The following FDFT1 variants were observed in gnomAD, a reference collection of about 807,000 sequenced individuals.
FDFT1 encodes farnesyl-diphosphate farnesyltransferase 1.
Under a neutral mutation model 46.8 loss-of-function variants are expected in FDFT1, and 68 were observed. The ratio of observed to expected loss-of-function variants is 1.45; its 90% CI spans 1.19 to 1.78. The LOEUF is 1.78. Ranked by LOEUF, FDFT1 falls within the 40% of genes most tolerant of loss-of-function variation. The pLI, the probability that FDFT1 is intolerant of heterozygous loss-of-function variation, is 0.00. For synonymous variants in FDFT1, 351 were observed against 185.1 expected (o/e 1.90, Z -7.28); for missense variants, 928 against 524.4 (o/e 1.77, Z -7.52).
chr8:11,802,722 C>A (rs541656556), upstream of FDFT1: 19 of 826,876 alleles, frequency 2.3e-5, no homozygotes, highest in Non-Finnish European at 3.4e-5. Flanking sequence ...AGGCCTGCCC[C>A]CTGTCCGGCC....
chr8:11,804,607 T>TTTA (rs1420024930), intron 1 of FDFT1, among the ~76,000 whole-genome samples: 1 of 141,940 alleles, frequency 7.0e-6, no homozygotes, highest in Non-Finnish European at 1.5e-5. Flanking sequence ...TCTCTTTTTT[T>TTTA]TTTTTTTTTT....
chr8:11,804,175 G>A (rs1356774490), intron 1 of FDFT1, among the ~76,000 whole-genome samples: 23 of 152,220 alleles, frequency 1.5e-4, no homozygotes, highest in African/African-American at 5.5e-4. Flanking sequence ...GAAAGCGAAT[G>A]TACAGTTTTT....
chr8:11,808,585 C>T, intron 1 of FDFT1: 3 of 1,386,714 alleles, frequency 2.2e-6, no homozygotes, highest in South Asian at 1.6e-5. Flanking sequence ...CTGAGTCCCG[C>T]CGCGGCGCCC....
Position 11,838,538 on chromosome 8 carries a change from G to T in FDFT1, c.1183G>T (p.Ala395Ser). Residue 395 changes from alanine (A) to serine (S), a missense_variant, in exon 8 of 8, where the codon GCC becomes TCC. Ala to Ser is a moderately conservative substitution (Grantham distance 99). Coordinates refer to ENST00000220584, the MANE Select transcript of FDFT1 (RefSeq NM_004462.5). ...CCTGTCGTTTGTCATGCTTTTGGCT[G>T]CCCTGAGCTGGCAGTACCTGACCAC... ...IYLSFVMLLAALSWQYLTTLS... is the reference protein window; with the variant it reads ...IYLSFVMLLASLSWQYLTTLS... 6.2e-7 allele frequency: 1 copy of T among 1,611,842 alleles called. No individual in the cohort carries two copies. The highest frequency in any genetic ancestry group is 8.5e-7 in the Non-Finnish European group (1 of 1,179,008).
intron 3 of FDFT1, among the ~76,000 whole-genome samples, chr8:11,816,150 T>G (rs1254297953): frequency 6.6e-6 from 1 of 152,230 alleles, no homozygotes; most frequent in Non-Finnish European, 1.5e-5. Context: ...CTTGTTTTTG[T>G]CAGGTTTGTC....
At chr8:11,820,511 C>G (rs543755075) in intron 3 of FDFT1, among the ~76,000 whole-genome samples, 11 of 152,350 alleles carry the variant, frequency 7.2e-5, no homozygotes, top group African/African-American at 2.4e-4. Context: ...CCACCCAGTT[C>G]AAGCTTCCTT....
intron 7 of FDFT1, among the ~76,000 whole-genome samples, 198 bp from the exon 8 acceptor site, chr8:11,838,190 G>C (rs755349901): frequency 6.6e-6 from 1 of 152,174 alleles, no homozygotes; most frequent in South Asian, 2.1e-4. Flanking sequence ...AGGAAGACAG[G>C]CTTTGAGATG....
intron 1 of FDFT1, among the ~76,000 whole-genome samples, chr8:11,807,044 T>A (rs190231853): frequency 3.9e-5 from 6 of 152,006 alleles, no homozygotes; most frequent in South Asian, 4.2e-4. Flanking sequence ...ACAACATAGT[T>A]CACTTAAACC....
intron 4 of FDFT1, among the ~76,000 whole-genome samples, chr8:11,825,623 C>A (rs564430302): frequency 1.4e-5 from 2 of 147,908 alleles, no homozygotes; most frequent in South Asian, 4.3e-4. Context: ...GAAGCTGAGG[C>A]AGAAAGATTG....
At chr8:11,804,447 T>A (rs1385989533) in intron 1 of FDFT1, among the ~76,000 whole-genome samples, 4 of 152,316 alleles carry the variant, frequency 2.6e-5, no homozygotes, top group African/African-American at 9.6e-5. Context: ...ATTCTAGCTC[T>A]GATAATATGG....
intron 7 of FDFT1, among the ~76,000 whole-genome samples, chr8:11,833,469 T>G (rs1427808302): frequency 1.3e-5 from 2 of 152,244 alleles, no homozygotes; most frequent in Non-Finnish European, 2.9e-5. Flanking sequence ...TGAGAGTGTT[T>G]TGGTTTTGCA....
At chr8:11,804,683 T>C (rs1806593049) in intron 1 of FDFT1, among the ~76,000 whole-genome samples, 1 of 140,954 alleles carries the variant, frequency 7.1e-6, no homozygotes, top group Non-Finnish European at 1.5e-5. Flanking sequence ...CTCAGCTAGA[T>C]GCAGCCTCCG....
At chr8:11,806,197 C>A (rs995928520) in intron 1 of FDFT1, among the ~76,000 whole-genome samples, 1 of 152,114 alleles carries the variant, frequency 6.6e-6, no homozygotes, top group Non-Finnish European at 1.5e-5. Context: ...CTCTAAATTC[C>A]CTCCATCCCT....
intron 3 of FDFT1, among the ~76,000 whole-genome samples, chr8:11,811,933 G>A (rs936098908): frequency 2.6e-5 from 4 of 152,238 alleles, no homozygotes; most frequent in African/African-American, 9.6e-5. Context: ...TTCTTAAGGA[G>A]TGATTTGTGT....
At chr8:11,823,953 C>G (rs995527720) in intron 4 of FDFT1, among the ~76,000 whole-genome samples, 2 of 152,126 alleles carry the variant, frequency 1.3e-5, no homozygotes, top group Admixed American at 1.3e-4. Flanking sequence ...ATCGTGTTGC[C>G]TAGGCTGGTC....
chr8:11,802,690 G>A, upstream of FDFT1: 1 of 663,490 alleles, frequency 1.5e-6, no homozygotes, highest in Non-Finnish European at 2.6e-6. Context: ...GGGCGGAGCG[G>A]CGGGCGGGGC....
chr8:11,834,302 C>T (rs1563344052), intron 7 of FDFT1, among the ~76,000 whole-genome samples: 1 of 152,212 alleles, frequency 6.6e-6, no homozygotes, highest in South Asian at 2.1e-4. Context: ...CTGCTTCAAA[C>T]CAGCCTGGAT....
At chr8:11,832,079 T>C (rs1810881907) in intron 7 of FDFT1, among the ~76,000 whole-genome samples, 1 of 152,152 alleles carries the variant, frequency 6.6e-6, no homozygotes, top group African/African-American at 2.4e-5. Context: ...GTCTGGTACT[T>C]TCATTATGCC....
intron 7 of FDFT1, 149 bp from the exon 8 acceptor site, chr8:11,838,239 T>C (rs984934049): frequency 3.2e-5 from 21 of 661,126 alleles, no homozygotes; most frequent in South Asian, 1.4e-4. Context: ...TTGGGATGGC[T>C]TTGGGTAAGT....
Sources: gnomAD v4.1 joint callset for allele counts (sites outside exome capture counted in the v4.1 genomes callset) on GRCh38, gnomAD v4.1.1 for gene constraint, MANE v1.5 for transcripts, NCBI Gene and HGNC (gene_info 2026-07-23, HGNC 2026-07-21) for gene names.